Variants in SGCD observed in about 807,000 individuals in gnomAD.
The protein encoded by SGCD is sarcoglycan delta, also known as delta-sarcoglycan.
SGCD carries 18 observed loss-of-function variants against 36.6 expected under a neutral mutation model. That is an observed-to-expected ratio of 0.49 (90% CI 0.34 to 0.73). SGCD has a LOEUF of 0.73. Ranked by LOEUF, SGCD falls within the 30% of genes least tolerant of loss-of-function variation. The pLI is 0.01. For missense variants in SGCD, 387 were observed against 346.7 expected (o/e 1.12, Z -0.92); for synonymous variants, 133 against 130.6 (o/e 1.02, Z -0.12).
intron 4 of SGCD, among the ~76,000 whole-genome samples, chr5:156,532,121 A>G (rs1006496016): frequency 3.9e-5 from 6 of 152,154 alleles, no homozygotes; most frequent in African/African-American, 1.4e-4. Flanking sequence ...AAAAAATAAA[A>G]ATAAAAAAAG....
At chr5:155,860,829 G>A in the SGCD span, among the ~76,000 whole-genome samples, 3 of 152,178 alleles carry the variant, frequency 2.0e-5, no homozygotes, top group African/African-American at 7.2e-5. Flanking sequence ...AGCTTTTGAA[G>A]TGGAAAATCT....
At chr5:155,748,041 C>G in the SGCD span, among the ~76,000 whole-genome samples, 1 of 152,096 alleles carries the variant, frequency 6.6e-6, no homozygotes, top group Non-Finnish European at 1.5e-5. Flanking sequence ...AATCCTTTCC[C>G]TACCTTTCCA....
At chr5:156,023,268 C>A (rs1759149753) in intron 1 of SGCD, among the ~76,000 whole-genome samples, 1 of 152,194 alleles carries the variant, frequency 6.6e-6, no homozygotes, top group South Asian at 2.1e-4. Context: ...AATTTTGAAT[C>A]CAGGTGGTAC....
At chr5:156,634,621 G>A (rs1762755038) in intron 6 of SGCD, among the ~76,000 whole-genome samples, 1 of 152,092 alleles carries the variant, frequency 6.6e-6, no homozygotes, top group Non-Finnish European at 1.5e-5. Flanking sequence ...TCAGGGGATG[G>A]ATGGAATACA....
chr5:155,728,700 G>A, the SGCD span, among the ~76,000 whole-genome samples: 1 of 152,014 alleles, frequency 6.6e-6, no homozygotes, highest in Non-Finnish European at 1.5e-5. Context: ...CCGGACGCTC[G>A]AGCCGGAGCG....
chr5:156,534,288 G>A (rs148686696), intron 4 of SGCD, among the ~76,000 whole-genome samples: 2 of 152,154 alleles, frequency 1.3e-5, no homozygotes, highest in African/African-American at 2.4e-5. Context: ...TACAAAAGTG[G>A]AAACCTAGAC....
intron 7 of SGCD, among the ~76,000 whole-genome samples, chr5:156,650,162 T>C (rs977987244): frequency 2.6e-5 from 4 of 152,144 alleles, no homozygotes; most frequent in Admixed American, 2.0e-4. Context: ...TTACACAACT[T>C]ATAAACAACC....
At chr5:156,336,165 T>C (rs1203238027) in intron 2 of SGCD, among the ~76,000 whole-genome samples, 1 of 152,208 alleles carries the variant, frequency 6.6e-6, no homozygotes, top group Non-Finnish European at 1.5e-5. Context: ...CACACTGTCC[T>C]CCTCACCTGC....
In SGCD at chr5:156,311,094, A is replaced by T. The variant is rs189979719; in HGVS notation, c.-43-18440A>T. Among the ~76,000 whole-genome samples the T allele has an allele frequency of 5.9e-5, 9 of 152,360 alleles. No homozygotes were observed. In the East Asian group the frequency reaches 1.7e-3, roughly 29 times the overall value. ...ATAAACAGAGTTGTGTTAAAGGTGG[A>T]TGAAATTCAAGATGAAAAAAATGTT... is the stretch of plus-strand genomic sequence containing the variant. On this transcript the variant is annotated intron_variant, in intron 3 of 9. Transcript: ENST00000517913.
chr5:156,072,154 T>G (rs1581078959), intron 1 of SGCD, among the ~76,000 whole-genome samples: 1 of 149,760 alleles, frequency 6.7e-6, no homozygotes. Context: ...TTGTTATGTG[T>G]GAATTTGATC....
At chr5:156,632,893 T>C (rs559173693) in intron 6 of SGCD, among the ~76,000 whole-genome samples, 6 of 152,302 alleles carry the variant, frequency 3.9e-5, no homozygotes, top group African/African-American at 1.4e-4. Flanking sequence ...GTTCATTTTT[T>C]GCAAGAAACA....
chr5:156,274,078 T>A (rs1025277031), intron 3 of SGCD, among the ~76,000 whole-genome samples: 1 of 152,044 alleles, frequency 6.6e-6, no homozygotes, highest in Non-Finnish European at 1.5e-5. Flanking sequence ...ACTGTAGATT[T>A]TCCCTGGGTG....
At chr5:155,961,235 T>C (rs1246540720) in intron 1 of SGCD, among the ~76,000 whole-genome samples, 1 of 152,118 alleles carries the variant, frequency 6.6e-6, no homozygotes, top group Non-Finnish European at 1.5e-5. Context: ...AAAATAAATA[T>C]ACTCTTCTCT....
chr5:156,719,546 T>C (rs1280877569), intron 7 of SGCD, among the ~76,000 whole-genome samples: 1 of 152,192 alleles, frequency 6.6e-6, no homozygotes, highest in Non-Finnish European at 1.5e-5. Flanking sequence ...GCCTAACTGC[T>C]GTATCTAGCA....
chr5:156,501,529 T>A (rs368767125), intron 3 of SGCD, among the ~76,000 whole-genome samples: 1 of 152,274 alleles, frequency 6.6e-6, no homozygotes, highest in South Asian at 2.1e-4. Flanking sequence ...CTGGGCCAGA[T>A]AAAGAATGAA....
chr5:156,518,580 AT>A (rs1438411133), intron 4 of SGCD, among the ~76,000 whole-genome samples: 1 of 152,176 alleles, frequency 6.6e-6, no homozygotes, highest in Admixed American at 6.5e-5. Context: ...GTGACCTAAA[AT>A]TGATAAAATT....
chr5:156,584,926 T>C (rs1760431303), intron 4 of SGCD, among the ~76,000 whole-genome samples: 1 of 152,224 alleles, frequency 6.6e-6, no homozygotes, highest in African/African-American at 2.4e-5. Flanking sequence ...ATTCAGTTAT[T>C]CAGCAAATAT....
intron 6 of SGCD, among the ~76,000 whole-genome samples, chr5:156,632,970 G>C (rs1161786912): frequency 6.6e-6 from 1 of 150,398 alleles, no homozygotes; most frequent in Non-Finnish European, 1.5e-5. Context: ...AGACAGTGCA[G>C]GAGCAATTTA....
At chr5:156,745,027 T>A (rs1253132283) in intron 7 of SGCD, among the ~76,000 whole-genome samples, 1 of 152,142 alleles carries the variant, frequency 6.6e-6, no homozygotes, top group African/African-American at 2.4e-5. Flanking sequence ...CCTTTAACGT[T>A]ATAGATTTTG....
Sources: gnomAD v4.1 joint callset for allele counts (sites outside exome capture counted in the v4.1 genomes callset) on GRCh38, gnomAD v4.1.1 for gene constraint, MANE v1.5 for transcripts, NCBI Gene and HGNC (gene_info 2026-07-23, HGNC 2026-07-21) for gene names.